Variants in DYNC2H1 observed in about 807,000 individuals in gnomAD.
The protein encoded by DYNC2H1 is cytoplasmic dynein 2 heavy chain 1.
DYNC2H1 carries 410 observed loss-of-function variants against 570.0 expected under a neutral mutation model. The ratio of observed to expected loss-of-function variants is 0.72; its 90% confidence interval spans 0.66 to 0.78. The LOEUF is 0.78. DYNC2H1 is among the 30% of genes least tolerant of loss of function. The probability of loss-of-function intolerance (pLI) is 0.00; values close to 1 mark genes in which losing one functional copy is unlikely to be tolerated. For missense variants in DYNC2H1, 4,865 were observed against 5,046.4 expected (o/e 0.96, Z 1.09); for synonymous variants, 1,688 against 1,677.6 (o/e 1.01, Z -0.15).
At chr11:103,302,957 A>G (rs958499363) in intron 75 of DYNC2H1, 136 bp from the exon 76 acceptor site, 1 of 585,032 alleles carries the variant, frequency 1.7e-6, no homozygotes, top group Non-Finnish European at 2.5e-6. Context: ...ATTATTTTAG[A>G]GTAGAAAAAC....
intron 84 of DYNC2H1, among the ~76,000 whole-genome samples, chr11:103,427,987 C>T (rs997695611): frequency 9.9e-5 from 15 of 151,028 alleles, no homozygotes; most frequent in East Asian, 3.9e-4. Context: ...AAAAAGCATA[C>T]GGAAATATAT....
At chr11:103,450,623 T>C (rs561620227) in intron 85 of DYNC2H1, among the ~76,000 whole-genome samples, 4 of 152,158 alleles carry the variant, frequency 2.6e-5, no homozygotes, top group Non-Finnish European at 5.9e-5. Context: ...AAGTTGGAAA[T>C]TAATTTAATT....
intron 85 of DYNC2H1, among the ~76,000 whole-genome samples, chr11:103,440,006 C>T (rs1352232822): frequency 6.6e-6 from 1 of 152,092 alleles, no homozygotes; most frequent in Non-Finnish European, 1.5e-5. Flanking sequence ...GATGATCATT[C>T]TAAATTCTAG....
chr11:103,375,438 C>T (rs1164976141), intron 83 of DYNC2H1, among the ~76,000 whole-genome samples: 1 of 152,164 alleles, frequency 6.6e-6, no homozygotes, highest in Non-Finnish European at 1.5e-5. Flanking sequence ...GGTAGATCCA[C>T]CAACAGCTTG....
chr11:103,445,843 G>A (rs1015665035), intron 85 of DYNC2H1, among the ~76,000 whole-genome samples: 15 of 152,002 alleles, frequency 9.9e-5, no homozygotes, highest in South Asian at 2.1e-4. Context: ...TAGTAGAGAC[G>A]GGGTTTCACC....
intron 84 of DYNC2H1, among the ~76,000 whole-genome samples, chr11:103,426,739 T>C (rs549640388): frequency 1.3e-5 from 2 of 152,318 alleles, no homozygotes; most frequent in African/African-American, 4.8e-5. Context: ...AACAAACTAA[T>C]GGGCTTGAAC....
intron 29 of DYNC2H1, 107 bp downstream of exon 29, chr11:103,161,151 T>A: frequency 1.8e-6 from 1 of 550,278 alleles, no homozygotes; most frequent in Non-Finnish European, 3.1e-6. Flanking sequence ...TTAATTTAGG[T>A]ATTTTAGGAA....
intron 22 of DYNC2H1, among the ~76,000 whole-genome samples, chr11:103,154,155 C>T (rs967276949): frequency 4.0e-5 from 6 of 151,630 alleles, no homozygotes; most frequent in African/African-American, 7.3e-5. Context: ...ATATGTATTA[C>T]GTACATATAA....
In DYNC2H1 at chr11:103,249,398, C is replaced by T. The variant is rs972692901; in HGVS notation, c.10043-3887C>T. On this transcript the variant is annotated intron_variant, in intron 65 of 88. Transcript: ENST00000375735. The surrounding 1 kb of genome is among the most constrained non-coding windows in gnomAD (Gnocchi z 4.6). ...ATAAATATGCGTAAAGAAAAGAATA[C>T]CTAAATTTATAGCTAATGAATTTTT... is the stretch of plus-strand genomic sequence containing the variant. Among the ~76,000 whole-genome samples the T allele has an allele frequency of 6.6e-6, 1 of 151,648 alleles. No homozygotes were observed. Among genetic ancestry groups the T allele is most frequent in the Non-Finnish European group, 1.5e-5 (1 of 67,868 alleles).
chr11:103,279,638 C>A (rs1448846671), intron 70 of DYNC2H1, among the ~76,000 whole-genome samples: 1 of 148,342 alleles, frequency 6.7e-6, no homozygotes, highest in Non-Finnish European at 1.5e-5. Flanking sequence ...ACGACCTTCT[C>A]CTTTGATAAC....
Position 103,223,050 on chromosome 11 carries a change from T to C in DYNC2H1, c.9317T>C (p.Ile3106Thr). ...NIQYSHVLER[I>T]HPLETEQAGL... is the part of the protein sequence containing the mutation. ...CAGTATTCCCATGTCTTGGAACGAATTCATCCTTTGGAAACTGAACAGGCA... is the reference window on the plus strand; with the variant it reads ...CAGTATTCCCATGTCTTGGAACGAACTCATCCTTTGGAAACTGAACAGGCA... The change falls in exon 59 of 89, where the codon ATT becomes ACT. Residue 3106 changes from isoleucine (I) to threonine (T), a missense_variant. Around this residue, in one of 5 missense-constraint regions of DYNC2H1, gnomAD observed 2,401 missense variants for 2,454.6 expected, o/e 0.98. Coordinates refer to ENST00000375735, the MANE Select transcript of DYNC2H1 (RefSeq NM_001377.3). The C allele has an allele frequency of 6.2e-7, 1 of 1,613,222 alleles. No individual in the cohort carries two copies. The highest frequency in any genetic ancestry group is 8.5e-7 in the Non-Finnish European group (1 of 1,179,502).
intron 75 of DYNC2H1, among the ~76,000 whole-genome samples, chr11:103,294,140 C>G (rs11606787): frequency 0.34 from 51,770 of 152,098 alleles, 8,977 homozygotes; most frequent in Non-Finnish European, 0.37. Flanking sequence ...ATTGCATTTC[C>G]TCAAGACAGC....
rs560147073 is a variant in DYNC2H1, at chr11:103,369,291, G to A, written c.12156+10932G>A. Reference sequence around the variant, plus strand: ...CAGCCCTAACCAGAGAGGATTCCCAGATGCTGGCGGCAGGAACCTGAGTTC... The same window carrying A: ...CAGCCCTAACCAGAGAGGATTCCCAAATGCTGGCGGCAGGAACCTGAGTTC... On this transcript the variant is annotated intron_variant, in intron 83 of 88. Transcript: ENST00000375735. This position sits in a 1 kb window ranked among gnomAD's most constrained non-coding sequence, Gnocchi z 4.0. Among the ~76,000 whole-genome samples the A allele has an allele frequency of 5.9e-5, 9 of 152,314 alleles. No homozygotes were observed. The highest frequency in any genetic ancestry group is 4.1e-4 in the South Asian group (2 of 4,830).
Position 103,461,269 on chromosome 11 carries a change from A to G in DYNC2H1, c.12648+4913A>G, listed in dbSNP as rs905562880. On this transcript the variant is annotated intron_variant, in intron 87 of 88. Coordinates refer to ENST00000375735, the MANE Select transcript of DYNC2H1 (RefSeq NM_001377.3). The surrounding 1 kb of genome is among the most constrained non-coding windows in gnomAD (Gnocchi z 4.8). ...AATAGGAGAAATTTGGATTTGAATT[A>G]TACTTGAATTTTACTATCACTATAA... Among the ~76,000 whole-genome samples the G allele has an allele frequency of 1.3e-5, 2 of 152,118 alleles. No individual in the cohort carries two copies. The highest frequency in any genetic ancestry group is 4.8e-5 in the African/African-American group (2 of 41,416).
At chr11:103,196,498 GA>G (rs1862510499) in intron 47 of DYNC2H1, among the ~76,000 whole-genome samples, 1 of 152,136 alleles carries the variant, frequency 6.6e-6, no homozygotes, top group Non-Finnish European at 1.5e-5. Context: ...TAAGCAATTG[GA>G]AGTACAGGAC....
intron 75 of DYNC2H1, 99 bp downstream of exon 75, chr11:103,287,704 A>G (rs1323799923): frequency 1.0e-6 from 1 of 956,104 alleles, no homozygotes; most frequent in East Asian, 2.7e-5. Flanking sequence ...AAATGTTATA[A>G]TGTCTCTTTT....
intron 85 of DYNC2H1, among the ~76,000 whole-genome samples, chr11:103,440,017 C>T (rs921630664): frequency 6.6e-6 from 1 of 152,116 alleles, no homozygotes; most frequent in Non-Finnish European, 1.5e-5. Context: ...TAAATTCTAG[C>T]GTGTTCTCTA....
chr11:103,436,168 C>T (rs779877511), intron 85 of DYNC2H1, 136 bp downstream of exon 85: 34 of 684,950 alleles, frequency 5.0e-5, no homozygotes, highest in Non-Finnish European at 7.2e-5. Context: ...ATTATTCTGC[C>T]ATTTGTTATT....
chr11:103,320,671 A>G (rs1938137665), intron 80 of DYNC2H1, among the ~76,000 whole-genome samples: 1 of 152,186 alleles, frequency 6.6e-6, no homozygotes, highest in Non-Finnish European at 1.5e-5. Context: ...GATAATTCAG[A>G]TAATCTGACT....
Sources: gnomAD v4.1 joint callset for allele counts (sites outside exome capture counted in the v4.1 genomes callset) on GRCh38, gnomAD v4.1.1 for gene constraint, gnomAD v4.1.1 regional missense constraint, Gnocchi (gnomAD v3.1) non-coding constraint, MANE v1.5 for transcripts, NCBI Gene and HGNC (gene_info 2026-07-23, HGNC 2026-07-21) for gene names.